Variants in RHEB observed in about 807,000 individuals in gnomAD.
RHEB encodes Ras homolog, mTORC1 binding, also known as GTP-binding protein Rheb.
A neutral mutation model predicts 28.8 loss-of-function variants in RHEB; 2 were observed. That is an observed-to-expected ratio of 0.07 (90% confidence interval 0.03 to 0.22). The LOEUF is 0.22. RHEB is among the 10% of genes least tolerant of loss of function. The pLI, the probability that RHEB is intolerant of heterozygous loss-of-function variation, is 1.00. For synonymous variants in RHEB, 69 were observed against 77.3 expected (o/e 0.89, Z 0.56); for missense variants, 76 against 219.9 (o/e 0.35, Z 4.14).
intron 7 of RHEB, among the ~76,000 whole-genome samples, chr7:151,469,594 C>T (rs1802123717): frequency 6.6e-6 from 1 of 152,194 alleles, no homozygotes; most frequent in African/African-American, 2.4e-5. Flanking sequence ...ACCTGAGGAT[C>T]AAACACCACC....
At chr7:151,502,228 CAAAAAAA>C (rs34312270) in intron 1 of RHEB, 40 of 332,134 alleles carry the variant, frequency 1.2e-4, no homozygotes, top group South Asian at 1.9e-4. Flanking sequence ...AGAGCTGTCT[CAAAAAAA>C]AAAAAAAAAA....
chr7:151,482,806 A>G (rs1255997030), intron 3 of RHEB, among the ~76,000 whole-genome samples: 1 of 152,208 alleles, frequency 6.6e-6, no homozygotes, highest in African/African-American at 2.4e-5. Context: ...TCAACTATAA[A>G]AGAAAGATAC....
At chr7:151,487,119 C>T (rs1802490489) in intron 2 of RHEB, among the ~76,000 whole-genome samples, 1 of 152,192 alleles carries the variant, frequency 6.6e-6, no homozygotes, top group South Asian at 2.1e-4. Flanking sequence ...CCCTGGGCAA[C>T]ACAGGGAGAC....
In RHEB at chr7:151,472,678, G is replaced by GT. The variant is rs1279675031; in HGVS notation, c.276-1074dup. Reference sequence around the variant, plus strand: ...TATCTCGCATGTGTGTCGTTTTACTGTTTGTCTCCCACACCAGAAATAATA... The same window carrying GT: ...TATCTCGCATGTGTGTCGTTTTACTGTTTTGTCTCCCACACCAGAAATAATA... On this transcript the variant is annotated intron_variant, in intron 4 of 7. Coordinates refer to ENST00000262187, the MANE Select transcript of RHEB (RefSeq NM_005614.4). This position sits in a 1 kb window ranked among gnomAD's most constrained non-coding sequence, Gnocchi z 5.2. Among the ~76,000 whole-genome samples, 1 of 152,096 alleles carries GT rather than the reference G, an allele frequency of 6.6e-6. No individual in the cohort carries two copies. The highest frequency in any genetic ancestry group is 1.9e-4 in the East Asian group (1 of 5,206).
At chr7:151,483,018 T>C (rs1802404997) in intron 3 of RHEB, among the ~76,000 whole-genome samples, 1 of 152,166 alleles carries the variant, frequency 6.6e-6, no homozygotes, top group Admixed American at 6.5e-5. Flanking sequence ...ATGGCTCTGC[T>C]CTAATGAAAG....
intron 1 of RHEB, among the ~76,000 whole-genome samples, chr7:151,517,153 C>CA (rs1308839325): frequency 6.6e-6 from 1 of 152,150 alleles, no homozygotes; most frequent in Non-Finnish European, 1.5e-5. Flanking sequence ...CACCTGAGGT[C>CA]AGGCGTTTGA....
intron 3 of RHEB, among the ~76,000 whole-genome samples, chr7:151,483,547 C>T (rs1428784787): frequency 6.6e-6 from 1 of 152,150 alleles, no homozygotes; most frequent in Non-Finnish European, 1.5e-5. Context: ...GGCGAAACCC[C>T]GCCTCTACTA....
intron 1 of RHEB, chr7:151,519,021 C>A (rs1803132168): frequency 6.6e-6 from 1 of 152,232 alleles, no homozygotes; most frequent in African/African-American, 2.4e-5. Context: ...CACGGACTTT[C>A]TTTTCCTTAC....
At chr7:151,470,195 A>G (rs1802135582) in intron 7 of RHEB, 1 of 154,356 alleles carries the variant, frequency 6.5e-6, no homozygotes, top group East Asian at 1.9e-4. Flanking sequence ...ACAGAAAAAA[A>G]GCCAGGGGGT....
intron 3 of RHEB, among the ~76,000 whole-genome samples, chr7:151,481,366 T>C (rs1802379659): frequency 6.6e-6 from 1 of 152,242 alleles, no homozygotes; most frequent in African/African-American, 2.4e-5. Flanking sequence ...AATACCGCTA[T>C]GCAGCAATTC....
intron 1 of RHEB, among the ~76,000 whole-genome samples, chr7:151,511,142 C>A (rs562633457): frequency 4.6e-5 from 7 of 152,122 alleles, no homozygotes; most frequent in Middle Eastern, 3.4e-3. Context: ...ATATCTAAGA[C>A]ACAGAAGTCT....
In RHEB at chr7:151,471,662, T is replaced by A. The variant is rs1563091055; in HGVS notation, c.276-57A>T. The A allele has an allele frequency of 3.6e-6, 4 of 1,119,048 alleles. 1 individual carries two copies. The highest frequency in any genetic ancestry group is 5.8e-4 in the Middle Eastern group (2 of 3,448). The allele number at this position is 1,119,048 out of a possible 1,614,324, so 69.3% of individuals were successfully genotyped here. A position where few individuals can be genotyped will look rare whatever the true frequency, so the allele number is the denominator to read the frequency against. ...ATTTTAATGTTGAAGTTTTTAAATGTATGTTATGTTGCCAGCTGGAAAAAT... is the reference window on the plus strand; with the variant it reads ...ATTTTAATGTTGAAGTTTTTAAATGAATGTTATGTTGCCAGCTGGAAAAAT... On this transcript the variant is annotated intron_variant, in intron 4 of 7. Coordinates refer to ENST00000262187, the MANE Select transcript of RHEB (RefSeq NM_005614.4).
At chr7:151,502,781 A>C in intron 1 of RHEB, 1 of 1,452,522 alleles carries the variant, frequency 6.9e-7, no homozygotes, top group East Asian at 2.3e-5. Flanking sequence ...TTCAGAAAGT[A>C]GCAGAGACTG....
At position 151,515,013 on chromosome 7, in the gene RHEB, T is replaced by A. The variant is rs1219148053; in HGVS notation, c.52+4447A>T. Among the ~76,000 whole-genome samples, 2 of 148,350 alleles carry A rather than the reference T, an allele frequency of 1.3e-5. 1 individual carries two copies. Among genetic ancestry groups the A allele is most frequent in the South Asian group, 4.2e-4 (2 of 4,758 alleles). ...ATGATAGCTCCACTGCACTCCAGCC[T>A]GGGCAACAGAGCAAGACCCTGCCTC... On this transcript the variant is annotated intron_variant, in intron 1 of 7. Transcript: ENST00000262187.
intron 2 of RHEB, among the ~76,000 whole-genome samples, chr7:151,488,896 AT>A (rs1802529115): frequency 1.3e-5 from 2 of 152,336 alleles, no homozygotes; most frequent in African/African-American, 4.8e-5. Flanking sequence ...AAGAAAATGT[AT>A]GTATATATAG....
Position 151,502,818 on chromosome 7 carries a change from T to G in RHEB, c.53-11804A>C, listed in dbSNP as rs1195654195. 1.2e-5 allele frequency: 15 copies of G among 1,246,362 alleles called. No homozygotes were observed. In the African/African-American group the frequency reaches 1.6e-4, roughly 13 times the overall value. The allele number at this position is 1,246,362 out of a possible 1,614,324, so 77.2% of individuals were successfully genotyped here. ...TGTGCAGCTATTTCTGGGGACAAAG[T>G]GAATGTGGCTGGTCTAGTTTTAGCT... On this transcript the variant is annotated intron_variant, in intron 1 of 7. Transcript: ENST00000262187.
At chr7:151,492,996 C>T (rs571193361) in intron 1 of RHEB, among the ~76,000 whole-genome samples, 9 of 152,110 alleles carry the variant, frequency 5.9e-5, no homozygotes, top group South Asian at 2.1e-4. Flanking sequence ...CGCGCCACCA[C>T]ACCTGACTAA....
intron 1 of RHEB, chr7:151,502,689 G>A (rs1421973733): frequency 1.2e-6 from 2 of 1,609,970 alleles, no homozygotes; most frequent in African/African-American, 1.3e-5. Flanking sequence ...GAGAAGTCCT[G>A]CACAAATTCA....
chr7:151,475,265 A>G (rs1802252779), intron 4 of RHEB, among the ~76,000 whole-genome samples: 1 of 152,220 alleles, frequency 6.6e-6, no homozygotes, highest in African/African-American at 2.4e-5. Flanking sequence ...GCACACCAAA[A>G]AAGAGACTTA....
Sources: allele counts gnomAD v4.1 joint callset (sites outside exome capture counted in the v4.1 genomes callset), GRCh38; gene constraint gnomAD v4.1.1; non-coding constraint Gnocchi (gnomAD v3.1); transcripts MANE v1.5; gene names NCBI Gene and HGNC (gene_info 2026-07-23, HGNC 2026-07-21).